Variants in PCDHGA3 observed in about 807,000 individuals in gnomAD.
PCDHGA3 encodes protocadherin gamma-A3.
A neutral mutation model predicts 58.5 loss-of-function variants in PCDHGA3; 40 were observed. That is an observed-to-expected ratio of 0.68 (90% CI 0.53 to 0.89). The LOEUF (loss-of-function observed/expected upper bound fraction) is 0.89. PCDHGA3 is among the 40% of genes least tolerant of loss of function. The probability of loss-of-function intolerance (pLI) is 0.00; values close to 1 mark genes in which losing one functional copy is unlikely to be tolerated. For synonymous variants in PCDHGA3, 530 were observed against 525.7 expected, an observed-to-expected ratio of 1.01 and a Z score of -0.11; for missense variants, 1,223 against 1,195.9, an observed-to-expected ratio of 1.02 and a Z score of -0.33.
Position 141,464,279 on chromosome 5 carries a change from CA to C in PCDHGA3, c.2425-30517del, listed in dbSNP as rs373828487. Among the ~76,000 whole-genome samples, 143 of 137,732 alleles carry C rather than the reference CA, an allele frequency of 1.0e-3. 2 individuals are homozygous for C. The Middle Eastern group carries it at 0.015, about 15-fold the overall frequency. 90.4% of individuals were successfully genotyped at this position (137,732 alleles called of 152,430 possible). A position where few individuals can be genotyped will look rare whatever the true frequency, so the allele number is the denominator to read the frequency against. The stretch of plus-strand genomic sequence containing the variant: ...GACTCCGTCTAAAAAAAAAAAAAAG[CA>C]AAAAAAAAAACTCCATTGTATGTGC... On this transcript the variant is annotated intron_variant, in intron 1 of 3. Transcript: ENST00000253812.
intron 1 of PCDHGA3, chr5:141,388,909 C>A: frequency 1.2e-6 from 2 of 1,613,902 alleles, no homozygotes; most frequent in South Asian, 1.1e-5. Context: ...AATGACAACG[C>A]CCCAGAAGTG....
At chr5:141,453,351 C>T (rs1210851703) in intron 1 of PCDHGA3, among the ~76,000 whole-genome samples, 3 of 151,738 alleles carry the variant, frequency 2.0e-5, no homozygotes, top group African/African-American at 7.3e-5. Context: ...CCAGGCTGAC[C>T]CTGAACTCCT....
Position 141,493,806 on chromosome 5 carries a change from T to C in PCDHGA3, c.2425-1001T>C, listed in dbSNP as rs1339302166. On this transcript the variant is annotated intron_variant, in intron 1 of 3. Coordinates refer to ENST00000253812, the MANE Select transcript of PCDHGA3 (RefSeq NM_018916.4). This position sits in a 1 kb window ranked among gnomAD's most constrained non-coding sequence, Gnocchi z 4.3. ...TCCTTCTCCCTGGAGTAATCTGAGA[T>C]ACTCACACTCTCTGCTTCTGGGAGC... is the stretch of plus-strand genomic sequence containing the variant. Among the ~76,000 whole-genome samples, 1 of 152,162 alleles carries C rather than the reference T, an allele frequency of 6.6e-6. No homozygotes were observed. The highest frequency in any genetic ancestry group is 1.5e-5 in the Non-Finnish European group (1 of 68,038).
chr5:141,480,837 G>T (rs1435750544), intron 1 of PCDHGA3, among the ~76,000 whole-genome samples: 2 of 152,168 alleles, frequency 1.3e-5, no homozygotes, highest in African/African-American at 4.8e-5. Flanking sequence ...ATAAGATCAG[G>T]AGTTTGAGAC....
intron 1 of PCDHGA3, chr5:141,370,952 G>A (rs771842532): frequency 6.2e-7 from 1 of 1,613,990 alleles, no homozygotes; most frequent in East Asian, 2.2e-5. Context: ...AGGAGAACCT[G>A]GATGGCAGTA....
Position 141,370,983 on chromosome 5 carries a change from A to G in PCDHGA3, c.2424+24526A>G, listed in dbSNP as rs200655179. Reference sequence around the variant, plus strand: ...CAGTAGGTACCCAGAGCTAGTACTGAAAGCACCCCTGGACAGGGAAGAGCA... The same window carrying G: ...CAGTAGGTACCCAGAGCTAGTACTGGAAGCACCCCTGGACAGGGAAGAGCA... On this transcript the variant is annotated intron_variant, in intron 1 of 3. Coordinates refer to ENST00000253812, the MANE Select transcript of PCDHGA3 (RefSeq NM_018916.4). 112 of 1,613,998 alleles carry G rather than the reference A, an allele frequency of 6.9e-5. No homozygotes were observed. In the African/African-American group the frequency reaches 1.3e-3, roughly 19 times the overall value.
intron 1 of PCDHGA3, among the ~76,000 whole-genome samples, chr5:141,405,811 ACTGT>A (rs56926516): frequency 0.18 from 26,617 of 151,870 alleles, 2,510 homozygotes; most frequent in Admixed American, 0.28. Flanking sequence ...TTTCTCTTTA[ACTGT>A]CTGTACTTAA....
chr5:141,494,194 G>A (rs1446357035), intron 1 of PCDHGA3, among the ~76,000 whole-genome samples: 2 of 152,182 alleles, frequency 1.3e-5, no homozygotes, highest in Non-Finnish European at 2.9e-5. Flanking sequence ...GGACTTGGAT[G>A]CCCCGCAAAG....
At chr5:141,418,147 C>T (rs781655205) in intron 1 of PCDHGA3, 3 of 1,614,040 alleles carry the variant, frequency 1.9e-6, no homozygotes, top group Admixed American at 3.3e-5. Flanking sequence ...AGCAAATATG[C>T]AAAGAGAGAA....
chr5:141,375,015 A>C, intron 1 of PCDHGA3: 2 of 1,613,916 alleles, frequency 1.2e-6, no homozygotes. Context: ...GACTATGAGG[A>C]CTCGAGTTTT....
chr5:141,365,219 A>C (rs569659080), intron 1 of PCDHGA3: 3 of 1,613,844 alleles, frequency 1.9e-6, no homozygotes, highest in African/African-American at 2.7e-5. Context: ...ACTTGATTCC[A>C]ACCTGGGGGA....
At position 141,432,627 on chromosome 5, in the gene PCDHGA3, C is replaced by A. The variant is rs886117102; in HGVS notation, c.2425-62180C>A. 1 of 1,613,652 alleles carries A rather than the reference C, an allele frequency of 6.2e-7. No homozygotes were observed. The highest frequency in any genetic ancestry group is 8.5e-7 in the Non-Finnish European group (1 of 1,179,952). On this transcript the variant is annotated intron_variant, in intron 1 of 3. Transcript: ENST00000253812. This position sits in a 1 kb window ranked among gnomAD's most constrained non-coding sequence, Gnocchi z 6.0. ...GGACTCTTCTCGGTGGGTCTGCACA[C>A]GGGCGAGGTGCGCACGGCGCGAGCC...
chr5:141,355,216 G>A (rs1237611423), intron 1 of PCDHGA3: 1 of 1,604,048 alleles, frequency 6.2e-7, no homozygotes, highest in Admixed American at 1.7e-5. Context: ...GGCGCCTCCT[G>A]CTCGCCCAGA....
Position 141,489,805 on chromosome 5 carries a change from A to T in PCDHGA3, c.2425-5002A>T. On this transcript the variant is annotated intron_variant, in intron 1 of 3. Transcript: ENST00000253812. The surrounding 1 kb of genome is among the most constrained non-coding windows in gnomAD (Gnocchi z 4.5). ...GAATGTGAAGACCCTAAAAGATGGG[A>T]AGCCATTCCCAGAGCTGGTGCTAGA... 1 of 1,614,166 alleles carries T rather than the reference A, an allele frequency of 6.2e-7. No individual in the cohort carries two copies. Among genetic ancestry groups the T allele is most frequent in the Non-Finnish European group, 8.5e-7 (1 of 1,180,012 alleles).
intron 1 of PCDHGA3, among the ~76,000 whole-genome samples, chr5:141,461,917 G>A (rs527287831): frequency 6.6e-6 from 1 of 152,098 alleles, no homozygotes; most frequent in South Asian, 2.1e-4. Flanking sequence ...TCTGCCTCCT[G>A]GGTTCCAGCA....
At chr5:141,370,569 G>A (rs761678477) in intron 1 of PCDHGA3, 4 of 1,613,946 alleles carry the variant, frequency 2.5e-6, no homozygotes, top group Middle Eastern at 1.6e-4. Flanking sequence ...GTTTGGCGTG[G>A]GGGATTTACC....
intron 1 of PCDHGA3, among the ~76,000 whole-genome samples, chr5:141,445,531 C>A (rs1476079791): frequency 6.6e-6 from 1 of 152,136 alleles, no homozygotes; most frequent in Non-Finnish European, 1.5e-5. Flanking sequence ...TGATAAAAGC[C>A]AACAAGGAGA....
rs143168452 is a variant in PCDHGA3 at position 141,504,127 on chromosome 5, C to T, written c.2484-1266C>T. Among the ~76,000 whole-genome samples the T allele has an allele frequency of 1.3e-3, 195 of 152,220 alleles. 2 individuals carry two copies. The highest frequency in any genetic ancestry group is 4.4e-3 in the African/African-American group (181 of 41,520). On this transcript the variant is annotated intron_variant, in intron 2 of 3. Transcript: ENST00000253812. ...CTGTGTGTGTGCCAGGGCTGTTTCC[C>T]GCCAACACTCCCCTGCAAATTGAAA...
At position 141,399,853 on chromosome 5, in the gene PCDHGA3, C is replaced by T. The variant is rs530551805; in HGVS notation, c.2424+53396C>T. 48 of 1,612,978 alleles carry T rather than the reference C, an allele frequency of 3.0e-5. 1 individual carries two copies. In the East Asian group the frequency reaches 9.4e-4, roughly 31 times the overall value. On this transcript the variant is annotated intron_variant, in intron 1 of 3. Transcript: ENST00000253812. ...CTCTGCGCTCTTCGATATGGTGCCGCGCGCTGCAGAGCCCGGCTACCTGGT... is the reference window on the plus strand; with the variant it reads ...CTCTGCGCTCTTCGATATGGTGCCGTGCGCTGCAGAGCCCGGCTACCTGGT...
Sources: gnomAD v4.1 joint callset for allele counts (sites outside exome capture counted in the v4.1 genomes callset) on GRCh38, gnomAD v4.1.1 for gene constraint, Gnocchi (gnomAD v3.1) non-coding constraint, MANE v1.5 for transcripts, NCBI Gene and HGNC (gene_info 2026-07-23, HGNC 2026-07-21) for gene names.